Variants in INPP4B observed in about 807,000 individuals in gnomAD.
INPP4B encodes inositol polyphosphate-4-phosphatase type II B.
INPP4B carries 55 observed loss-of-function variants against 122.5 expected under a neutral mutation model. That is an observed-to-expected ratio of 0.45 (90% CI 0.36 to 0.56). The LOEUF (loss-of-function observed/expected upper bound fraction) is 0.56, where lower values mean the gene tolerates loss of function less well. INPP4B is among the 20% of genes least tolerant of loss of function. The pLI is 0.00. For synonymous variants in INPP4B, 403 were observed against 388.7 expected, an observed-to-expected ratio of 1.04 and a Z score of -0.43; for missense variants, 1,000 against 1,097.7, an observed-to-expected ratio of 0.91 and a Z score of 1.26.
At chr4:142,748,851 T>C (rs572471864) in intron 1 of INPP4B, among the ~76,000 whole-genome samples, 2 of 151,948 alleles carry the variant, frequency 1.3e-5, no homozygotes, top group African/African-American at 4.8e-5. Flanking sequence ...ATATATTAGC[T>C]AAGACAGGCC....
In INPP4B at chr4:142,255,553, C is replaced by A. The variant is rs1461922888; in HGVS notation, c.688+4939G>T. Among the ~76,000 whole-genome samples, 6 of 152,192 alleles carry A rather than the reference C, an allele frequency of 3.9e-5. No individual in the cohort carries two copies. The East Asian group carries it at 1.2e-3, about 29-fold the overall frequency. ...AAACAAAAAAGGCAGGGGTTGCAATCCTAGTTTCTGATAAAACAGACTTTA... is the reference window on the plus strand; with the variant it reads ...AAACAAAAAAGGCAGGGGTTGCAATACTAGTTTCTGATAAAACAGACTTTA... On this transcript the variant is annotated intron_variant, in intron 11 of 25. Coordinates refer to ENST00000262992, the MANE Select transcript of INPP4B (RefSeq NM_001101669.3).
In INPP4B at chr4:142,107,663, AT is replaced by A. The variant is rs368978052; in HGVS notation, c.2374+429del. On this transcript the variant is annotated intron_variant, in intron 23 of 25. Coordinates refer to ENST00000262992, the MANE Select transcript of INPP4B (RefSeq NM_001101669.3). ...CCCTCATTCACATTGACTTAATATTATTTTGTTCAACTGGTATTATATCTGA... is the reference window on the plus strand; with the variant it reads ...CCCTCATTCACATTGACTTAATATTATTTGTTCAACTGGTATTATATCTGA... Among the ~76,000 whole-genome samples, 68 of 152,186 alleles carry A rather than the reference AT, an allele frequency of 4.5e-4. No individual in the cohort carries two copies. In the East Asian group the frequency reaches 0.012, roughly 27 times the overall value.
chr4:142,758,383 G>C (rs1770805361), intron 1 of INPP4B, among the ~76,000 whole-genome samples: 2 of 152,042 alleles, frequency 1.3e-5, no homozygotes, highest in African/African-American at 4.8e-5. Flanking sequence ...AAGAATCTCA[G>C]ATCAATAGAT....
chr4:142,342,753 T>C (rs970586864), intron 7 of INPP4B, among the ~76,000 whole-genome samples: 11 of 152,170 alleles, frequency 7.2e-5, no homozygotes, highest in African/African-American at 2.7e-4. Context: ...AAAAAAGCAT[T>C]CATGTTCCTT....
chr4:142,274,817 G>A (rs1262067741), intron 9 of INPP4B, among the ~76,000 whole-genome samples: 1 of 151,590 alleles, frequency 6.6e-6, no homozygotes, highest in African/African-American at 2.4e-5. Context: ...GTATTGCCAG[G>A]TCATTACCAC....
At chr4:142,688,206 C>T (rs971711951) in intron 2 of INPP4B, among the ~76,000 whole-genome samples, 1 of 152,122 alleles carries the variant, frequency 6.6e-6, no homozygotes, top group Non-Finnish European at 1.5e-5. Context: ...AATATGAAGT[C>T]ATCCTGTTTA....
At chr4:142,415,595 C>A (rs911758126) in intron 5 of INPP4B, among the ~76,000 whole-genome samples, 4 of 151,854 alleles carry the variant, frequency 2.6e-5, no homozygotes, top group Non-Finnish European at 5.9e-5. Context: ...GTCAGTGTGG[C>A]GATTCCTCAG....
Position 142,082,114 on chromosome 4 carries a change from C to T in INPP4B, c.2559G>A (p.Val853=). The T allele has an allele frequency of 6.5e-7, 1 of 1,527,668 alleles. No individual in the cohort carries two copies. Among genetic ancestry groups the T allele is most frequent in the Non-Finnish European group, 8.9e-7 (1 of 1,118,328 alleles). 94.6% of individuals were successfully genotyped at this position (1,527,668 alleles called of 1,614,324 possible). A position where few individuals can be genotyped will look rare whatever the true frequency, so the allele number is the denominator to read the frequency against. The change falls in exon 25 of 26, where the codon GTG becomes GTA. Residue 853 remains valine, a synonymous_variant. Transcript: ENST00000262992. ...KSAKDRTSMS[V]TLEQCSILRD... is the part of the protein sequence containing the mutation. ...TCAAGATTGAGCATTGTTCAAGTGT[C>T]ACTGACATCGATGTCCTGTCTTTGG... is the stretch of plus-strand genomic sequence containing the variant.
intron 17 of INPP4B, among the ~76,000 whole-genome samples, chr4:142,158,866 A>C (rs1818591822): frequency 6.6e-6 from 1 of 151,970 alleles, no homozygotes. Context: ...CAAGATTCTC[A>C]CTTGATTTAA....
At chr4:142,621,008 C>T (rs1744800402) in intron 2 of INPP4B, among the ~76,000 whole-genome samples, 1 of 151,554 alleles carries the variant, frequency 6.6e-6, no homozygotes. Flanking sequence ...ACCTTAAATG[C>T]TATTGAAGGA....
chr4:142,286,974 A>T (rs1044163625), intron 9 of INPP4B: 2 of 152,014 alleles, frequency 1.3e-5, no homozygotes, highest in African/African-American at 4.8e-5. Flanking sequence ...AAGCTACTTG[A>T]TCTTTCTTCC....
At chr4:142,723,671 T>C (rs1240408085) in intron 2 of INPP4B, among the ~76,000 whole-genome samples, 1 of 152,136 alleles carries the variant, frequency 6.6e-6, no homozygotes, top group Non-Finnish European at 1.5e-5. Context: ...CTACACAAAA[T>C]GAATGTGTTA....
At chr4:142,612,302 G>A (rs1475803834) in intron 2 of INPP4B, among the ~76,000 whole-genome samples, 1 of 152,146 alleles carries the variant, frequency 6.6e-6, no homozygotes, top group Non-Finnish European at 1.5e-5. Flanking sequence ...TAAGACTCTT[G>A]CTTATATTTA....
chr4:142,494,317 C>T (rs931309875), intron 2 of INPP4B, among the ~76,000 whole-genome samples: 20 of 152,024 alleles, frequency 1.3e-4, no homozygotes, highest in African/African-American at 4.3e-4. Context: ...GCTGTTCTTG[C>T]CATATGTTAT....
At chr4:142,679,930 T>C (rs977410244) in intron 2 of INPP4B, among the ~76,000 whole-genome samples, 6 of 151,784 alleles carry the variant, frequency 4.0e-5, no homozygotes, top group Non-Finnish European at 2.9e-5. Flanking sequence ...TACGGTATTA[T>C]CTAGACATTA....
At chr4:142,360,149 G>T (rs1034685024) in intron 7 of INPP4B, among the ~76,000 whole-genome samples, 3 of 151,806 alleles carry the variant, frequency 2.0e-5, no homozygotes, top group African/African-American at 4.8e-5. Flanking sequence ...CCTGAGATCA[G>T]AATTCTGTTA....
intron 5 of INPP4B, among the ~76,000 whole-genome samples, chr4:142,413,557 T>C (rs527309402): frequency 1.7e-4 from 26 of 152,172 alleles, no homozygotes; most frequent in Non-Finnish European, 1.3e-4. Context: ...AGATAATACA[T>C]AAAACATGCA....
chr4:142,128,366 CACACACACACACAT>C lies in INPP4B; in HGVS notation c.1721-3620_1721-3607del, dbSNP rs1199399439. 7.8e-3 allele frequency among the ~76,000 whole-genome samples: 842 copies of C among 108,178 alleles called. 4 individuals carry two copies. The highest frequency in any genetic ancestry group is 0.026 in the African/African-American group (708 of 27,562). 71.0% of individuals were successfully genotyped at this position (108,178 alleles called of 152,430 possible). ...ATACACACACACACACACACACACA[CACACACACACACAT>C]ACACACACATACCTTTTTTATAAAC... On this transcript the variant is annotated intron_variant, in intron 18 of 25. Transcript: ENST00000262992.
At chr4:142,070,834 A>C (rs1309602074) in intron 25 of INPP4B, among the ~76,000 whole-genome samples, 1 of 152,196 alleles carries the variant, frequency 6.6e-6, no homozygotes, top group Non-Finnish European at 1.5e-5. Context: ...ACGAAATAAA[A>C]GAGGACACAA....
Sources: allele counts gnomAD v4.1 joint callset (sites outside exome capture counted in the v4.1 genomes callset), GRCh38; gene constraint gnomAD v4.1.1; transcripts MANE v1.5; gene names NCBI Gene and HGNC (gene_info 2026-07-23, HGNC 2026-07-21).